The following CLASRP variants were observed in gnomAD, a reference collection of about 807,000 sequenced individuals.
CLASRP encodes CLK4 associating serine/arginine rich protein.
Under a neutral mutation model 99.9 loss-of-function variants are expected in CLASRP, and 52 were observed. The observed-to-expected ratio is 0.52, with a 90% CI of 0.42 to 0.66. The LOEUF is 0.66. CLASRP is among the 30% of genes least tolerant of loss of function. CLASRP has a pLI of 0.00. For missense variants in CLASRP, 848 were observed against 999.2 expected, an observed-to-expected ratio of 0.85 and a Z score of 2.04; for synonymous variants, 379 against 373.0, an observed-to-expected ratio of 1.02 and a Z score of -0.18.
Position 45,064,631 on chromosome 19 carries a change from G to T in CLASRP, c.1409+1G>T. ...GTTACGGGCCCCGGCGCAGAAGCAGGTGTGTGTGGCTGGGCGTGGAGGTGG... is the reference window on the plus strand; with the variant it reads ...GTTACGGGCCCCGGCGCAGAAGCAGTTGTGTGTGGCTGGGCGTGGAGGTGG... On this transcript the variant is annotated splice_donor_variant, in intron 13 of 20. Coordinates refer to ENST00000221455, the MANE Select transcript of CLASRP (RefSeq NM_007056.3). LOFTEE classifies it high-confidence loss of function. 6.5e-7 allele frequency: 1 copy of T among 1,549,712 alleles called. No homozygotes were observed.
intron 2 of CLASRP, among the ~76,000 whole-genome samples, chr19:45,045,190 G>A (rs994230456): frequency 3.9e-5 from 6 of 152,184 alleles, no homozygotes; most frequent in Admixed American, 6.5e-5. Context: ...AAAAAGGGAG[G>A]AAAAGGGGCA....
At chr19:45,040,570 T>C in intron 2 of CLASRP, 1 of 363,278 alleles carries the variant, frequency 2.8e-6, no homozygotes, top group Non-Finnish European at 5.3e-6. Context: ...TCTGTAACCC[T>C]CAGAGCAGTC....
At chr19:45,057,725 TG>T (rs1434961222) in intron 6 of CLASRP, 24 bp from the exon 7 acceptor site, 21 of 1,613,306 alleles carry the variant, frequency 1.3e-5, no homozygotes, top group Non-Finnish European at 1.7e-5. Context: ...GGCACGGCCC[TG>T]GCTTACCAGC....
chr19:45,064,427 T>TCGC lies in CLASRP; in HGVS notation c.1209_1211dup (p.Arg404dup). 6.6e-7 allele frequency: 1 copy of TCGC among 1,525,680 alleles called. No individual in the cohort carries two copies. Among genetic ancestry groups the TCGC allele is most frequent in the Non-Finnish European group, 8.8e-7 (1 of 1,137,674 alleles). 94.5% of individuals were successfully genotyped at this position (1,525,680 alleles called of 1,614,324 possible). ...CCAGCTCTCGCTCCAGCTCCCGCTC[T>TCGC]CGCCGTGGTGGGGGCTACTACCGTT... On this transcript the variant is annotated inframe_insertion, in exon 13 of 21. Coordinates refer to ENST00000221455, the MANE Select transcript of CLASRP (RefSeq NM_007056.3).
At chr19:45,056,679 CTG>C (rs1001422733) in intron 6 of CLASRP, 145 bp downstream of exon 6, 19 of 694,320 alleles carry the variant, frequency 2.7e-5, no homozygotes, top group African/African-American at 2.3e-4. Flanking sequence ...CAATTAATAA[CTG>C]TGTAGAGGAA....
chr19:45,053,198 C>T (rs367791061), intron 5 of CLASRP, 21 bp downstream of exon 5: 26 of 1,612,066 alleles, frequency 1.6e-5, no homozygotes, highest in East Asian at 2.2e-5. Flanking sequence ...TGTGGGGGGA[C>T]GTGGGGTGTG....
rs150594731 is a variant in CLASRP at position 45,052,876 on chromosome 19, C to T, written c.283C>T (p.Pro95Ser). Residue 95 changes from proline (P) to serine (S), a missense_variant, in exon 4 of 21, where the codon CCT becomes TCT. Transcript: ENST00000221455. ...GGACCACATCCCCGACTACACCCCC[C>T]CTCTGCTCACCACCATGTAAGCCAC... The part of the protein sequence containing the change: ...HLDHIPDYTP[P>S]LLTTISPEQE... The T allele has an allele frequency of 1.2e-4, 190 of 1,609,772 alleles. No homozygotes were observed. Among genetic ancestry groups the T allele is most frequent in the African/African-American group, 4.2e-4 (31 of 74,624 alleles).
In CLASRP at chr19:45,064,450, G is replaced by A. The variant is rs551018548; in HGVS notation, c.1229G>A (p.Arg410His). 18 of 1,527,304 alleles carry A rather than the reference G, an allele frequency of 1.2e-5. No homozygotes were observed. The highest frequency in any genetic ancestry group is 1.6e-5 in the Non-Finnish European group (18 of 1,139,038). 94.6% of individuals were successfully genotyped at this position (1,527,304 alleles called of 1,614,324 possible). Reference sequence around the variant, plus strand: ...TCTCGCCGTGGTGGGGGCTACTACCGTTCCGGCCGCCACGCCCGCTCCCGG... The same window carrying A: ...TCTCGCCGTGGTGGGGGCTACTACCATTCCGGCCGCCACGCCCGCTCCCGG... ...SRSRRGGGYY[R>H]SGRHARSRSR... Residue 410 changes from arginine to histidine, a missense_variant, in exon 13 of 21, where the codon CGT (arginine) becomes CAT (histidine). By Grantham distance (29) the Arg-to-His change is conservative. Transcript: ENST00000221455.
In CLASRP at chr19:45,070,769, C is replaced by G. The variant is rs1176535924; in HGVS notation, c.1983-34C>G. On this transcript the variant is annotated intron_variant, in intron 20 of 20. Coordinates refer to ENST00000221455, the MANE Select transcript of CLASRP (RefSeq NM_007056.3). ...CCCAGGTGTGTTGATGTGTGTATGC[C>G]CCATCCTCACGGCCCCTCCCTTTCT... 3 of 1,590,246 alleles carry G rather than the reference C, an allele frequency of 1.9e-6. No individual in the cohort carries two copies. In the South Asian group the frequency reaches 3.3e-5, roughly 18 times the overall value.
chr19:45,069,377 C>A, intron 18 of CLASRP, 129 bp downstream of exon 18: 1 of 924,288 alleles, frequency 1.1e-6, no homozygotes, highest in Non-Finnish European at 1.7e-6. Context: ...CCCTGCCTGG[C>A]CCTCGGGGCT....
chr19:45,053,629 C>A (rs1972068177), intron 5 of CLASRP, among the ~76,000 whole-genome samples: 1 of 152,010 alleles, frequency 6.6e-6, no homozygotes, highest in Admixed American at 6.6e-5. Flanking sequence ...CAGGTGCCCG[C>A]CACCACCCCC....
At chr19:45,046,755 C>T (rs62117257) in intron 2 of CLASRP, among the ~76,000 whole-genome samples, 8,242 of 152,282 alleles carry the variant, frequency 0.054, 327 homozygotes, top group Non-Finnish European at 0.079. Context: ...GGGCCGGGCG[C>T]GGTAGCTCAC....
chr19:45,067,327 G>A lies in CLASRP; in HGVS notation c.1410-10G>A, dbSNP rs1472505751. On this transcript the variant is annotated splice_polypyrimidine_tract_variant and intron_variant, in intron 13 of 20. Coordinates refer to ENST00000221455, the MANE Select transcript of CLASRP (RefSeq NM_007056.3). This position sits in a 1 kb window ranked among gnomAD's most constrained non-coding sequence, Gnocchi z 4.9. ...CTCACAGTCCTCCTCCCGCCCTGCT[G>A]CATCCCCAGGAGCCGCTCCCACTCA... The A allele has an allele frequency of 1.3e-6, 2 of 1,497,892 alleles. No homozygotes were observed. Among genetic ancestry groups the A allele is most frequent in the Admixed American group, 4.3e-5 (2 of 46,140 alleles). The allele number at this position is 1,497,892 out of a possible 1,614,324, so 92.8% of individuals were successfully genotyped here. A position where few individuals can be genotyped will look rare whatever the true frequency, so the allele number is the denominator to read the frequency against.
At chr19:45,059,116 C>G (rs3786508) in intron 7 of CLASRP, 152 bp from the exon 8 acceptor site, 336,837 of 669,990 alleles carry the variant, frequency 0.5, 86,384 homozygotes, top group African/African-American at 0.62. Context: ...CAGCCTAGGG[C>G]ATGCCAAGAT....
At chr19:45,062,006 A>G in intron 10 of CLASRP, 148 bp from the exon 11 acceptor site, 2 of 649,882 alleles carry the variant, frequency 3.1e-6, no homozygotes, top group East Asian at 2.6e-5. Flanking sequence ...GGGTGGAGGA[A>G]TTAAGGGGAG....
At position 45,067,311 on chromosome 19, in the gene CLASRP, C is replaced by T. The variant is rs1015890917; in HGVS notation, c.1410-26C>T. 2.7e-6 allele frequency: 4 copies of T among 1,477,542 alleles called. No individual in the cohort carries two copies. The highest frequency in any genetic ancestry group is 1.3e-5 in the South Asian group (1 of 74,456). The allele number at this position is 1,477,542 out of a possible 1,614,324, so 91.5% of individuals were successfully genotyped here. A position where few individuals can be genotyped will look rare whatever the true frequency, so the allele number is the denominator to read the frequency against. Reference sequence around the variant, plus strand: ...TTGGGGTCCCTGGAGCCTCACAGTCCTCCTCCCGCCCTGCTGCATCCCCAG... The same window carrying T: ...TTGGGGTCCCTGGAGCCTCACAGTCTTCCTCCCGCCCTGCTGCATCCCCAG... On this transcript the variant is annotated intron_variant, in intron 13 of 20. Transcript: ENST00000221455. The surrounding 1 kb of genome is among the most constrained non-coding windows in gnomAD (Gnocchi z 4.9).
intron 10 of CLASRP, among the ~76,000 whole-genome samples, chr19:45,061,811 T>TTAGTAAGCCC (rs2122585683): frequency 6.6e-6 from 1 of 151,638 alleles, no homozygotes; most frequent in East Asian, 1.9e-4. Context: ...ATCATCATCA[T>TTAGTAAGCCC]TAGTAAGCCC....
intron 15 of CLASRP, 117 bp from the exon 16 acceptor site, chr19:45,068,303 C>T (rs552172685): frequency 1.2e-4 from 79 of 669,792 alleles, no homozygotes; most frequent in African/African-American, 1.1e-3. Context: ...CTCCTCCCCA[C>T]GTCGTTCTCC....
Position 45,060,483 on chromosome 19 carries a change from G to C in CLASRP, c.789+16G>C, listed in dbSNP as rs1966915267. The stretch of plus-strand genomic sequence containing the variant: ...CATGTACTCGGTGAGGTCTGGGCTG[G>C]AGTGGAAGGGGACAGGGGTGTGTCA... On this transcript the variant is annotated intron_variant, in intron 9 of 20. Coordinates refer to ENST00000221455, the MANE Select transcript of CLASRP (RefSeq NM_007056.3). The surrounding 1 kb of genome is among the most constrained non-coding windows in gnomAD (Gnocchi z 4.6). The C allele has an allele frequency of 3.1e-6, 5 of 1,614,128 alleles. No homozygotes were observed. In the East Asian group the frequency reaches 1.1e-4, roughly 36 times the overall value.
Sources: allele counts gnomAD v4.1 joint callset (sites outside exome capture counted in the v4.1 genomes callset), GRCh38; gene constraint gnomAD v4.1.1; non-coding constraint Gnocchi (gnomAD v3.1); transcripts MANE v1.5; gene names NCBI Gene and HGNC (gene_info 2026-07-23, HGNC 2026-07-21).